The following DROSHA variants were observed in gnomAD, a reference collection of about 807,000 sequenced individuals.
The protein encoded by DROSHA is drosha ribonuclease III.
Under a neutral mutation model 181.9 loss-of-function variants are expected in DROSHA, and 56 were observed. The observed-to-expected ratio is 0.31, with a 90% confidence interval of 0.25 to 0.38. The LOEUF (loss-of-function observed/expected upper bound fraction) is 0.38, where lower values mean the gene tolerates loss of function less well. Among genes scored for constraint, DROSHA ranks in the 10% least tolerant of loss-of-function variants. The pLI is 1.00. For missense variants in DROSHA, 1,218 were observed against 1,743.5 expected, an observed-to-expected ratio of 0.70 and a Z score of 5.37; for synonymous variants, 524 against 591.2, an observed-to-expected ratio of 0.89 and a Z score of 1.65.
Position 31,480,438 on chromosome 5 carries a change from C to T in DROSHA, c.2071+3116G>A, listed in dbSNP as rs1205820852. ...GTTTCAAGTCAGAATAGCGGTTACCCTTGAGGGTCTCAGCAGCGACTGGAA... is the reference window on the plus strand; with the variant it reads ...GTTTCAAGTCAGAATAGCGGTTACCTTTGAGGGTCTCAGCAGCGACTGGAA... On this transcript the variant is annotated intron_variant, in intron 16 of 35. Transcript: ENST00000344624. Among the ~76,000 whole-genome samples, 3 of 151,804 alleles carry T rather than the reference C, an allele frequency of 2.0e-5. No homozygotes were observed. In the East Asian group the frequency reaches 5.8e-4, roughly 29 times the overall value.
intron 23 of DROSHA, among the ~76,000 whole-genome samples, chr5:31,438,807 C>T (rs188521221): frequency 5.3e-5 from 8 of 151,988 alleles, no homozygotes; most frequent in Admixed American, 3.9e-4. Flanking sequence ...TTCCCAGGAA[C>T]GAACCCAGGG....
intron 6 of DROSHA, among the ~76,000 whole-genome samples, 161 bp from the exon 7 acceptor site, chr5:31,515,725 C>T (rs1460122224): frequency 6.6e-6 from 1 of 152,164 alleles, no homozygotes; most frequent in Admixed American, 6.5e-5. Flanking sequence ...TAAATTTGGC[C>T]TGAGGACTAT....
At chr5:31,503,102 A>G (rs904326622) in intron 11 of DROSHA, among the ~76,000 whole-genome samples, 2 of 152,116 alleles carry the variant, frequency 1.3e-5, no homozygotes, top group African/African-American at 2.4e-5. Context: ...ACCATGGAAG[A>G]GGTACCAGGG....
At chr5:31,520,280 T>G (rs1162658973) in intron 6 of DROSHA, among the ~76,000 whole-genome samples, 1 of 152,228 alleles carries the variant, frequency 6.6e-6, no homozygotes, top group East Asian at 1.9e-4. Flanking sequence ...TCAAACCTAA[T>G]GTTATGTAGA....
At chr5:31,453,779 G>A (rs1313376271) in intron 20 of DROSHA, among the ~76,000 whole-genome samples, 12 of 152,076 alleles carry the variant, frequency 7.9e-5, no homozygotes, top group Admixed American at 2.0e-4. Context: ...TAGATGACCC[G>A]TGTCCATCTT....
At position 31,514,955 on chromosome 5, in the gene DROSHA, T is replaced by C. The variant is rs753229262; in HGVS notation, c.1290+33A>G. 2 of 1,599,908 alleles carry C rather than the reference T, an allele frequency of 1.3e-6. No individual in the cohort carries two copies. Among genetic ancestry groups the C allele is most frequent in the Non-Finnish European group, 1.7e-6 (2 of 1,169,978 alleles). Reference sequence around the variant, plus strand: ...CAATAGTGACAACGCCGAGAAGCCCTAGTCTACAGCTTGTCTGCTACTTCA... The same window carrying C: ...CAATAGTGACAACGCCGAGAAGCCCCAGTCTACAGCTTGTCTGCTACTTCA... On this transcript the variant is annotated intron_variant, in intron 8 of 35. Coordinates refer to ENST00000344624, the MANE Select transcript of DROSHA (RefSeq NM_001382508.1). The surrounding 1 kb of genome is among the most constrained non-coding windows in gnomAD (Gnocchi z 4.4).
At chr5:31,406,490 CAAAA>C (rs879383121) in intron 34 of DROSHA, among the ~76,000 whole-genome samples, 2 of 142,644 alleles carry the variant, frequency 1.4e-5, no homozygotes, top group Admixed American at 7.0e-5. Flanking sequence ...ACTCTGTCTC[CAAAA>C]AAAAAAATAA....
rs150454557 is a variant in DROSHA at position 31,516,246 on chromosome 5, T to C, written c.948-682A>G. 2.0e-5 allele frequency among the ~76,000 whole-genome samples: 3 copies of C among 152,240 alleles called. No homozygotes were observed. The East Asian group carries it at 5.8e-4, about 29-fold the overall frequency. ...CTCCAGCCTGGGCAACAGAGCAAAA[T>C]GCTGTCTCAAAACAACAATAACAAC... On this transcript the variant is annotated intron_variant, in intron 6 of 35. Coordinates refer to ENST00000344624, the MANE Select transcript of DROSHA (RefSeq NM_001382508.1).
intron 12 of DROSHA, 91 bp downstream of exon 12, chr5:31,495,194 AC>A: frequency 1.5e-6 from 2 of 1,343,068 alleles, no homozygotes; most frequent in Non-Finnish European, 2.1e-6. Flanking sequence ...CAAAGTAAGA[AC>A]ATTTGAGAAC....
intron 23 of DROSHA, among the ~76,000 whole-genome samples, chr5:31,441,616 C>T (rs73075712): frequency 0.015 from 2,324 of 152,202 alleles, 56 homozygotes; most frequent in African/African-American, 0.053. Context: ...TACACCAGAA[C>T]TTCAAAAGCA....
chr5:31,529,606 G>T (rs1740997408), intron 3 of DROSHA, among the ~76,000 whole-genome samples: 2 of 151,784 alleles, frequency 1.3e-5, no homozygotes, highest in South Asian at 4.2e-4. Flanking sequence ...GTGGTGGTGG[G>T]CGCCTGTAGT....
At chr5:31,436,305 G>A (rs1271045955) in intron 24 of DROSHA, among the ~76,000 whole-genome samples, 4 of 151,814 alleles carry the variant, frequency 2.6e-5, no homozygotes, top group African/African-American at 9.7e-5. Context: ...AACAGCTCAA[G>A]AGAGTTCCAA....
intron 3 of DROSHA, 79 bp from the exon 4 acceptor site, chr5:31,529,184 A>G (rs2150065858): frequency 7.8e-7 from 1 of 1,288,568 alleles, no homozygotes. Flanking sequence ...TGCAATTACC[A>G]TAACACTAAT....
intron 23 of DROSHA, among the ~76,000 whole-genome samples, chr5:31,442,609 C>T (rs1037925591): frequency 2.0e-5 from 3 of 152,116 alleles, no homozygotes; most frequent in East Asian, 1.9e-4. Context: ...AACCGTCTCC[C>T]TGTAACAGTA....
At position 31,464,423 on chromosome 5, in the gene DROSHA, G is replaced by GTT. The variant is rs1266127436; in HGVS notation, c.2467-82_2467-81dup. On this transcript the variant is annotated intron_variant, in intron 19 of 35. Transcript: ENST00000344624. The stretch of plus-strand genomic sequence containing the variant: ...CCAAACATCAAGCATTAGAAAATAA[G>GTT]TTGGATTCATTTAATATTACCCCTA... 1.6e-5 allele frequency: 21 copies of GTT among 1,293,846 alleles called. No individual in the cohort carries two copies. In the East Asian group the frequency reaches 4.6e-4, roughly 28 times the overall value. 80.1% of individuals were successfully genotyped at this position (1,293,846 alleles called of 1,614,324 possible).
intron 10 of DROSHA, among the ~76,000 whole-genome samples, chr5:31,506,858 T>C (rs976992678): frequency 6.6e-6 from 1 of 152,142 alleles, no homozygotes; most frequent in Non-Finnish European, 1.5e-5. Context: ...TCCTACATAT[T>C]CAGCCCTTCA....
chr5:31,486,249 A>G (rs992551929), intron 14 of DROSHA, among the ~76,000 whole-genome samples: 2 of 152,214 alleles, frequency 1.3e-5, no homozygotes, highest in East Asian at 1.9e-4. Flanking sequence ...TGTAAAGTTA[A>G]TATCAGCAGA....
Position 31,449,314 on chromosome 5 carries a change from T to TG in DROSHA, c.2787dup (p.Arg930GlnfsTer14). ...CGCATGTGCATGTGATGAACTTTTC[T>TG]GTCTCCGTATTTGGGCTGCCGAATT... On this transcript the variant is annotated frameshift_variant, in exon 22 of 36. Transcript: ENST00000344624. LOFTEE classifies it high-confidence loss of function. 1 of 1,613,906 alleles carries TG rather than the reference T, an allele frequency of 6.2e-7. No individual in the cohort carries two copies. The highest frequency in any genetic ancestry group is 8.5e-7 in the Non-Finnish European group (1 of 1,179,868).
chr5:31,424,860 T>C (rs1272140648), intron 27 of DROSHA, among the ~76,000 whole-genome samples: 1 of 152,220 alleles, frequency 6.6e-6, no homozygotes, highest in Non-Finnish European at 1.5e-5. Context: ...TCAAATGTCC[T>C]TCATTTTAGG....
Sources: gnomAD v4.1 joint callset for allele counts (sites outside exome capture counted in the v4.1 genomes callset) on GRCh38, gnomAD v4.1.1 for gene constraint, Gnocchi (gnomAD v3.1) non-coding constraint, MANE v1.5 for transcripts, NCBI Gene and HGNC (gene_info 2026-07-23, HGNC 2026-07-21) for gene names.